Variants in PRKN observed in about 807,000 individuals in gnomAD.
PRKN encodes the protein parkin RBR E3 ubiquitin protein ligase.
A neutral mutation model predicts 59.5 loss-of-function variants in PRKN; 56 were observed. The observed-to-expected ratio is 0.94, with a 90% CI of 0.76 to 1.18. The LOEUF (loss-of-function observed/expected upper bound fraction) is 1.18, where lower values mean the gene tolerates loss of function less well. PRKN is among the 50% of genes most tolerant of loss of function. The pLI is 0.00. For missense variants in PRKN, 657 were observed against 596.4 expected (o/e 1.10, Z -1.06); for synonymous variants, 250 against 222.1 (o/e 1.13, Z -1.12).
intron 7 of PRKN, among the ~76,000 whole-genome samples, chr6:161,739,928 T>A (rs933024248): frequency 6.6e-6 from 1 of 152,138 alleles, no homozygotes; most frequent in Non-Finnish European, 1.5e-5. Context: ...CTAGTTTTTG[T>A]ATTTTTAGTA....
At chr6:162,616,437 T>C (rs1782420414) in intron 1 of PRKN, among the ~76,000 whole-genome samples, 1 of 152,134 alleles carries the variant, frequency 6.6e-6, no homozygotes, top group South Asian at 2.1e-4. Context: ...AATTACCCCA[T>C]TAAATGCCAT....
intron 1 of PRKN, among the ~76,000 whole-genome samples, chr6:162,541,971 T>A (rs35100164): frequency 6.6e-6 from 1 of 152,024 alleles, no homozygotes; most frequent in Non-Finnish European, 1.5e-5. Flanking sequence ...ATGATTCCTG[T>A]GCCCTTGGGT....
In PRKN at chr6:161,868,448, G is replaced by A. The variant is rs543020136; in HGVS notation, c.735-82540C>T. On this transcript the variant is annotated intron_variant, in intron 6 of 11. Transcript: ENST00000366898. ...ACAAAAAAATTAGCTGGGCATGGTG[G>A]TGCATGCTTGTAATCCCAGTTACCC... 3.9e-5 allele frequency among the ~76,000 whole-genome samples: 6 copies of A among 152,076 alleles called. No homozygotes were observed. In the East Asian group the frequency reaches 9.8e-4, roughly 25 times the overall value.
At chr6:162,562,078 CTT>C (rs747596489) in intron 1 of PRKN, among the ~76,000 whole-genome samples, 3 of 151,994 alleles carry the variant, frequency 2.0e-5, no homozygotes, top group African/African-American at 4.8e-5. Flanking sequence ...GTAGGGAGGA[CTT>C]TGTTTTGTAT....
chr6:162,277,982 A>G (rs999104679), intron 2 of PRKN, among the ~76,000 whole-genome samples: 42 of 152,230 alleles, frequency 2.8e-4, no homozygotes, highest in African/African-American at 1.0e-3. Flanking sequence ...AGATGTTTAC[A>G]GCAGCTTTAT....
intron 8 of PRKN, among the ~76,000 whole-genome samples, chr6:161,565,082 C>T (rs545048311): frequency 6.6e-6 from 1 of 152,256 alleles, no homozygotes; most frequent in Non-Finnish European, 1.5e-5. Flanking sequence ...CTCTGCTTGC[C>T]CAGCTGAAAT....
chr6:161,883,505 G>A (rs1165537047), intron 6 of PRKN, among the ~76,000 whole-genome samples: 3 of 138,844 alleles, frequency 2.2e-5, no homozygotes, highest in Non-Finnish European at 4.7e-5. Context: ...GAAGGGAAGG[G>A]AAGGTGGGGA....
rs183343783 is a variant in PRKN at position 162,309,411 on chromosome 6, T to A, written c.172-46646A>T. Among the ~76,000 whole-genome samples the A allele has an allele frequency of 1.7e-3, 253 of 152,294 alleles. 3 individuals carry two copies. Among genetic ancestry groups the A allele is most frequent in the Non-Finnish European group, 2.5e-3 (173 of 68,036 alleles). On this transcript the variant is annotated intron_variant, in intron 2 of 11. Coordinates refer to ENST00000366898, the MANE Select transcript of PRKN (RefSeq NM_004562.3). ...AACTCCTGACCTCAAGTGATCTGCA[T>A]GCCTCAGCCTCCCAAACTGCTGGGA...
At chr6:161,951,914 T>A (rs1313731476) in intron 6 of PRKN, among the ~76,000 whole-genome samples, 1 of 104,542 alleles carries the variant, frequency 9.6e-6, no homozygotes, top group Non-Finnish European at 2.0e-5. Flanking sequence ...CAAGACTCCA[T>A]CTTAAAAAAA....
intron 5 of PRKN, among the ~76,000 whole-genome samples, chr6:162,014,967 A>G (rs1398807384): frequency 6.6e-6 from 1 of 152,154 alleles, no homozygotes; most frequent in Non-Finnish European, 1.5e-5. Context: ...TTTCAATAAC[A>G]ATTACTTTTT....
In PRKN at chr6:161,349,916, T is replaced by C. The variant is rs1019668090; in HGVS notation, c.*183A>G. ...TTTACTCTGCTGTTTTTCATGGACATAGTGAAAGGGATCCAGGAGTTTCTT... is the reference window on the plus strand; with the variant it reads ...TTTACTCTGCTGTTTTTCATGGACACAGTGAAAGGGATCCAGGAGTTTCTT... On this transcript the variant is annotated 3_prime_UTR_variant, in exon 12 of 12. Coordinates refer to ENST00000366898, the MANE Select transcript of PRKN (RefSeq NM_004562.3). The surrounding 1 kb of genome is among the most constrained non-coding windows in gnomAD (Gnocchi z 5.5). 1.2e-5 allele frequency: 8 copies of C among 647,112 alleles called. No homozygotes were observed. The highest frequency in any genetic ancestry group is 2.0e-5 in the Non-Finnish European group (7 of 353,570). The allele number at this position is 647,112 out of a possible 1,614,324, so 40.1% of individuals were successfully genotyped here.
intron 4 of PRKN, among the ~76,000 whole-genome samples, chr6:162,197,969 C>G (rs1016797018): frequency 6.6e-6 from 1 of 152,104 alleles, no homozygotes; most frequent in African/African-American, 2.4e-5. Flanking sequence ...ACAAGGCTTA[C>G]AGGCTCTTCG....
At chr6:161,903,282 G>T (rs975956940) in intron 6 of PRKN, among the ~76,000 whole-genome samples, 13 of 152,112 alleles carry the variant, frequency 8.5e-5, no homozygotes, top group Non-Finnish European at 1.8e-4. Context: ...TGGCCCAGAT[G>T]GGTGTATTTA....
intron 1 of PRKN, among the ~76,000 whole-genome samples, chr6:162,464,211 T>C (rs879010959): frequency 6.6e-6 from 1 of 152,168 alleles, no homozygotes; most frequent in African/African-American, 2.4e-5. Context: ...AGGCGATTAC[T>C]ATTTTTTTTA....
chr6:161,940,288 A>T (rs1357380637), intron 6 of PRKN, among the ~76,000 whole-genome samples: 1 of 152,106 alleles, frequency 6.6e-6, no homozygotes, highest in Non-Finnish European at 1.5e-5. Context: ...TAGCAAAAAA[A>T]AAAAGAAAAG....
chr6:162,556,367 G>GTGTGTGCA (rs1779588073), intron 1 of PRKN, among the ~76,000 whole-genome samples: 1 of 80,642 alleles, frequency 1.2e-5, no homozygotes, highest in Non-Finnish European at 3.0e-5. Flanking sequence ...GTGTGTGTGT[G>GTGTGTGCA]TGTGTGTGTG....
At chr6:162,216,599 T>C (rs940062512) in intron 3 of PRKN, among the ~76,000 whole-genome samples, 1 of 147,740 alleles carries the variant, frequency 6.8e-6, no homozygotes, top group Non-Finnish European at 1.5e-5. Flanking sequence ...AAATGACCTA[T>C]GGTTTGATCA....
At chr6:161,685,252 G>A (rs1008955881) in intron 7 of PRKN, among the ~76,000 whole-genome samples, 1 of 152,164 alleles carries the variant, frequency 6.6e-6, no homozygotes, top group Non-Finnish European at 1.5e-5. Flanking sequence ...AAAGGATTGT[G>A]CAAATTCTCA....
chr6:161,798,119 T>C (rs1790928159), intron 6 of PRKN, among the ~76,000 whole-genome samples: 1 of 152,176 alleles, frequency 6.6e-6, no homozygotes, highest in South Asian at 2.1e-4. Flanking sequence ...GAGAATGGCT[T>C]GAACTCAGGA....
Sources: gnomAD v4.1 joint callset for allele counts (sites outside exome capture counted in the v4.1 genomes callset) on GRCh38, gnomAD v4.1.1 for gene constraint, Gnocchi (gnomAD v3.1) non-coding constraint, MANE v1.5 for transcripts, NCBI Gene and HGNC (gene_info 2026-07-23, HGNC 2026-07-21) for gene names.